Variants in SNX29 observed in about 807,000 individuals in gnomAD.
The protein encoded by SNX29 is sorting nexin 29.
Under a neutral mutation model 102.1 loss-of-function variants are expected in SNX29, and 78 were observed. That is an observed-to-expected ratio of 0.76 (90% CI 0.64 to 0.92). The LOEUF (loss-of-function observed/expected upper bound fraction) is 0.92, where lower values mean the gene tolerates loss of function less well. Ranked by LOEUF, SNX29 falls within the 40% of genes least tolerant of loss-of-function variation. The pLI is 0.00. For synonymous variants in SNX29, 580 were observed against 414.5 expected, an observed-to-expected ratio of 1.40 and a Z score of -4.85; for missense variants, 1,280 against 1,061.7, an observed-to-expected ratio of 1.21 and a Z score of -2.86.
chr16:12,063,629 T>C (rs957567257), intron 9 of SNX29, among the ~76,000 whole-genome samples: 6 of 152,008 alleles, frequency 3.9e-5, no homozygotes, highest in Non-Finnish European at 5.9e-5. Context: ...TCCACCTCCT[T>C]GGCCTCCCAC....
intron 14 of SNX29, among the ~76,000 whole-genome samples, chr16:12,231,922 C>G (rs1231784523): frequency 6.6e-6 from 1 of 152,160 alleles, no homozygotes; most frequent in East Asian, 1.9e-4. Flanking sequence ...GGTGAATAAT[C>G]AGCTCATTTC....
At chr16:12,336,023 G>C (rs1269849508) in intron 15 of SNX29, among the ~76,000 whole-genome samples, 3 of 152,072 alleles carry the variant, frequency 2.0e-5, no homozygotes, top group Non-Finnish European at 4.4e-5. Context: ...TTGTGACAAC[G>C]GCCCAGCACT....
chr16:12,553,931 A>C (rs1209181479), intron 20 of SNX29, among the ~76,000 whole-genome samples: 1 of 152,108 alleles, frequency 6.6e-6, no homozygotes, highest in African/African-American at 2.4e-5. Flanking sequence ...GGGTTCAAGC[A>C]ATTCTCCTGC....
chr16:12,540,307 A>G (rs1452122105), intron 20 of SNX29, among the ~76,000 whole-genome samples: 3 of 152,014 alleles, frequency 2.0e-5, no homozygotes, highest in Admixed American at 6.6e-5. Context: ...GGGTGGCCCC[A>G]CCCTCTTGGG....
chr16:12,194,098 C>A (rs907872288), intron 13 of SNX29, among the ~76,000 whole-genome samples: 5 of 152,046 alleles, frequency 3.3e-5, no homozygotes, highest in Admixed American at 3.3e-4. Flanking sequence ...CATCTTAATT[C>A]TTTTGAGTCT....
At chr16:12,198,447 C>G (rs2076832921) in intron 13 of SNX29, among the ~76,000 whole-genome samples, 1 of 152,192 alleles carries the variant, frequency 6.6e-6, no homozygotes, top group South Asian at 2.1e-4. Flanking sequence ...GAGTATTTTG[C>G]AATGAGCATT....
At chr16:12,505,129 A>C (rs1055423327) in intron 19 of SNX29, among the ~76,000 whole-genome samples, 8 of 152,202 alleles carry the variant, frequency 5.3e-5, no homozygotes, top group African/African-American at 1.7e-4. Context: ...GGAAAAAACA[A>C]AAAGAGACTC....
chr16:12,557,927 C>CA (rs1567196701), intron 20 of SNX29, among the ~76,000 whole-genome samples: 2 of 152,162 alleles, frequency 1.3e-5, no homozygotes, highest in African/African-American at 2.4e-5. Flanking sequence ...GGCAGGCAGG[C>CA]TGCTATTTTC....
intron 1 of SNX29, among the ~76,000 whole-genome samples, chr16:11,978,570 G>A (rs1480652906): frequency 1.3e-5 from 2 of 152,164 alleles, no homozygotes; most frequent in African/African-American, 2.4e-5. Context: ...AGCTCATGTG[G>A]GGTAGGAGTG....
chr16:12,443,768 C>G (rs2085914813), intron 18 of SNX29, among the ~76,000 whole-genome samples: 2 of 152,264 alleles, frequency 1.3e-5, no homozygotes, highest in Non-Finnish European at 2.9e-5. Flanking sequence ...ACTTTTAAAG[C>G]CAGTCCAAAC....
intron 15 of SNX29, among the ~76,000 whole-genome samples, chr16:12,288,988 C>T (rs1596773242): frequency 6.6e-6 from 1 of 152,326 alleles, no homozygotes; most frequent in East Asian, 1.9e-4. Context: ...TGCCTACTAG[C>T]TCTAACTTTT....
chr16:11,983,784 C>T (rs368168393), intron 1 of SNX29: 2 of 819,146 alleles, frequency 2.4e-6, no homozygotes, highest in African/African-American at 3.7e-5. Flanking sequence ...TAGATTTCTC[C>T]AAATTGTGGC....
intron 15 of SNX29, among the ~76,000 whole-genome samples, chr16:12,341,958 C>A (rs969992218): frequency 6.6e-6 from 1 of 152,140 alleles, no homozygotes; most frequent in Non-Finnish European, 1.5e-5. Flanking sequence ...CACAGTGCTT[C>A]GTGCCAGGAA....
intron 13 of SNX29, among the ~76,000 whole-genome samples, chr16:12,147,432 T>C (rs1043760286): frequency 2.0e-5 from 3 of 152,200 alleles, no homozygotes; most frequent in African/African-American, 7.2e-5. Flanking sequence ...GCTTTTCCCA[T>C]TCATTAATGC....
At chr16:12,294,524 G>A (rs376071515) in intron 15 of SNX29, among the ~76,000 whole-genome samples, 2 of 152,132 alleles carry the variant, frequency 1.3e-5, no homozygotes, top group South Asian at 2.1e-4. Flanking sequence ...ATAGGCACCC[G>A]CCTCCCTCTG....
intron 10 of SNX29, among the ~76,000 whole-genome samples, chr16:12,070,165 C>T (rs1276908076): frequency 6.6e-6 from 1 of 151,990 alleles, no homozygotes; most frequent in Non-Finnish European, 1.5e-5. Context: ...AAATTGAGTT[C>T]TCCCAAGTTG....
rs894691418 is a variant in SNX29, at chr16:12,570,701, A to G, written c.*2072A>G. Reference sequence around the variant, plus strand: ...TGCACCTTTTCTGACACCTGCCCCCAAAGCACAGGATGTGAATTGGTCTCT... The same window carrying G: ...TGCACCTTTTCTGACACCTGCCCCCGAAGCACAGGATGTGAATTGGTCTCT... On this transcript the variant is annotated 3_prime_UTR_variant, in exon 21 of 21. Transcript: ENST00000566228. 8.6e-6 allele frequency: 2 copies of G among 231,962 alleles called. No individual in the cohort carries two copies. Among genetic ancestry groups the G allele is most frequent in the African/African-American group, 4.4e-5 (2 of 45,240 alleles). The allele number at this position is 231,962 out of a possible 1,614,324, so 14.4% of individuals were successfully genotyped here.
At chr16:12,475,805 C>G (rs979901866) in intron 18 of SNX29, among the ~76,000 whole-genome samples, 1 of 152,200 alleles carries the variant, frequency 6.6e-6, no homozygotes, top group African/African-American at 2.4e-5. Context: ...TGAAAAATTG[C>G]AAGACAATTA....
chr16:12,291,281 A>G (rs771834023), intron 15 of SNX29, among the ~76,000 whole-genome samples: 7 of 152,214 alleles, frequency 4.6e-5, no homozygotes, highest in Non-Finnish European at 1.0e-4. Flanking sequence ...AGACCTCACA[A>G]TCATGGCAGA....
Sources: allele counts gnomAD v4.1 joint callset (sites outside exome capture counted in the v4.1 genomes callset), GRCh38; gene constraint gnomAD v4.1.1; transcripts MANE v1.5; gene names NCBI Gene and HGNC (gene_info 2026-07-23, HGNC 2026-07-21).